Variants in OLFML2B observed in about 807,000 individuals in gnomAD.
OLFML2B encodes olfactomedin like 2B, also known as olfactomedin-like protein 2B.
Under a neutral mutation model 74.9 loss-of-function variants are expected in OLFML2B, and 57 were observed. The ratio of observed to expected loss-of-function variants is 0.76; its 90% confidence interval spans 0.61 to 0.95. The LOEUF is 0.95. Ranked by LOEUF, OLFML2B falls within the 40% of genes least tolerant of loss-of-function variation. The probability of loss-of-function intolerance (pLI) is 0.00; values close to 1 mark genes in which losing one functional copy is unlikely to be tolerated. For synonymous variants in OLFML2B, 388 were observed against 405.8 expected, an observed-to-expected ratio of 0.96 and a Z score of 0.53; for missense variants, 986 against 970.6, an observed-to-expected ratio of 1.02 and a Z score of -0.21.
chr1:162,000,195 C>T lies in OLFML2B; in HGVS notation c.867G>A (p.Pro289=), dbSNP rs768105303. The T allele has an allele frequency of 4.0e-5, 65 of 1,613,568 alleles. No individual in the cohort carries two copies. The South Asian group carries it at 4.8e-4, about 12-fold the overall frequency. The change falls in exon 5 of 8, where the codon CCG becomes CCA. Residue 289 remains proline (P), a synonymous_variant. Transcript: ENST00000294794. ...LQRQVHLRGR[P]ASQPTVIRGI... ...CCCGGATGACAGTGGGCTGGGAGGC[C>T]GGCCGGCCTCTCAGGTGGACCTGCC...
chr1:162,003,527 A>G (rs1228448397), intron 4 of OLFML2B, among the ~76,000 whole-genome samples: 2 of 152,312 alleles, frequency 1.3e-5, no homozygotes, highest in East Asian at 3.9e-4. Flanking sequence ...CACTGGCGAC[A>G]GGCTGCACTG....
Position 161,983,799 on chromosome 1 carries a change from G to A in OLFML2B, c.2129C>T (p.Pro710Leu). Residue 710 changes from proline (P) to leucine (L), a missense_variant, in exon 8 of 8, where the codon CCC becomes CTC. Physicochemically the swap from Pro to Leu is moderately conservative, Grantham distance 98. Transcript: ENST00000294794. ...FDTHTNTQIVPRLLFENEYSY... is the reference protein window; with the variant it reads ...FDTHTNTQIVLRLLFENEYSY... ...ATACTCATTCTCGAACAGCAGCCTG[G>A]GGACGATCTGTGTGTTGGTGTGGGT... 4 of 1,614,110 alleles carry A rather than the reference G, an allele frequency of 2.5e-6. No homozygotes were observed. Among genetic ancestry groups the A allele is most frequent in the Non-Finnish European group, 3.4e-6 (4 of 1,180,026 alleles).
intron 3 of OLFML2B, among the ~76,000 whole-genome samples, chr1:162,011,606 G>C (rs114499440): frequency 0.014 from 2,154 of 152,310 alleles, 47 homozygotes; most frequent in African/African-American, 0.047. Context: ...GGTTCAGGGA[G>C]CCACCAGCTG....
In OLFML2B at chr1:161,997,870, G is replaced by A. The variant is rs763354740; in HGVS notation, c.1429C>T (p.Pro477Ser). 12 of 1,614,126 alleles carry A rather than the reference G, an allele frequency of 7.4e-6. No individual in the cohort carries two copies. In the South Asian group the frequency reaches 1.3e-4, roughly 18 times the overall value. ...TCTTCTTCTTCGGGGCTCAGCGTGG[G>A]GCTGGCAGGGGTTGTTCCCCACCCA... ...PAGWGTTPAS[P>S]TLSPEEEDDI... Residue 477 changes from proline (P) to serine (S), a missense_variant, in exon 6 of 8, where the codon CCC becomes TCC. Transcript: ENST00000294794.
intron 6 of OLFML2B, among the ~76,000 whole-genome samples, chr1:161,988,044 A>C (rs1689638909): frequency 6.6e-6 from 1 of 152,074 alleles, no homozygotes; most frequent in South Asian, 2.1e-4. Flanking sequence ...CTGTATGTTG[A>C]CTCCTCTTCA....
chr1:162,009,105 C>T (rs1690307945), intron 3 of OLFML2B, among the ~76,000 whole-genome samples: 1 of 152,130 alleles, frequency 6.6e-6, no homozygotes. Context: ...GGGATCCTGC[C>T]CTGGTGAAGG....
At chr1:162,003,178 A>C (rs1690126593) in intron 4 of OLFML2B, among the ~76,000 whole-genome samples, 1 of 151,558 alleles carries the variant, frequency 6.6e-6, no homozygotes, top group Non-Finnish European at 1.5e-5. Context: ...CCATCCAAAA[A>C]CTCGCCTGCC....
chr1:162,023,312 G>T lies in OLFML2B; in HGVS notation c.119C>A (p.Ala40Glu). Residue 40 changes from alanine to glutamate, a missense_variant, in exon 1 of 8, where the codon GCG (alanine) becomes GAG (glutamate). Physicochemically the swap from Ala to Glu is moderately radical, Grantham distance 107 (BLOSUM62 -1). Coordinates refer to ENST00000294794, the MANE Select transcript of OLFML2B (RefSeq NM_015441.3). The stretch of plus-strand genomic sequence containing the variant: ...CTCGTTTTGCAGAGTCTCGTCCTCC[G>T]CAGGCGCCACTGTCTGCGCATCTGG... ...EPPDAQTVAP[A>E]EDETLQNEAD... is the part of the protein sequence containing the mutation. The T allele has an allele frequency of 1.2e-6, 2 of 1,604,458 alleles. No individual in the cohort carries two copies. The highest frequency in any genetic ancestry group is 1.7e-6 in the Non-Finnish European group (2 of 1,174,198).
chr1:161,984,273 C>T lies in OLFML2B; in HGVS notation c.1655G>A (p.Arg552His), dbSNP rs767261664. ...CGGGAGCTTGTAGGAATTGCTCCAG[C>T]GACCTGCAGGTGGGGAGAAAACAGG... ...FRNLENFKQG[R>H]WSNSYKLPYS... Residue 552 changes from arginine to histidine, a missense_variant, in exon 8 of 8, where the codon CGC (arginine) becomes CAC (histidine). Arg to His is a conservative substitution (Grantham distance 29, BLOSUM62 0). Coordinates refer to ENST00000294794, the MANE Select transcript of OLFML2B (RefSeq NM_015441.3). The T allele has an allele frequency of 1.1e-5, 17 of 1,517,938 alleles. No individual in the cohort carries two copies. The highest frequency in any genetic ancestry group is 1.4e-5 in the Non-Finnish European group (16 of 1,133,896). The allele number at this position is 1,517,938 out of a possible 1,614,324, so 94.0% of individuals were successfully genotyped here.
At chr1:161,986,919 C>T (rs1689607449) in intron 6 of OLFML2B, among the ~76,000 whole-genome samples, 1 of 152,248 alleles carries the variant, frequency 6.6e-6, no homozygotes. Flanking sequence ...CATGGCCATG[C>T]CACCTCTCTG....
At chr1:161,989,012 C>T (rs748397568) in intron 6 of OLFML2B, among the ~76,000 whole-genome samples, 11 of 152,202 alleles carry the variant, frequency 7.2e-5, no homozygotes, top group Non-Finnish European at 8.8e-5. Flanking sequence ...CATTCCAACT[C>T]AGCACTGAGT....
intron 4 of OLFML2B, among the ~76,000 whole-genome samples, chr1:162,004,171 C>T (rs1690157057): frequency 6.6e-6 from 1 of 152,194 alleles, no homozygotes; most frequent in Non-Finnish European, 1.5e-5. Context: ...CTCCACTGGG[C>T]AGCTGAGCCA....
At chr1:162,017,757 G>A (rs1690585722) in intron 2 of OLFML2B, among the ~76,000 whole-genome samples, 1 of 152,204 alleles carries the variant, frequency 6.6e-6, no homozygotes, top group African/African-American at 2.4e-5. Context: ...CTGAGGTCTA[G>A]ACCTCTTCAC....
rs1393348126 is a variant in OLFML2B at position 162,011,683 on chromosome 1, G to A, written c.547-5210C>T. 2.0e-5 allele frequency among the ~76,000 whole-genome samples: 3 copies of A among 152,314 alleles called. No individual in the cohort carries two copies. The South Asian group carries it at 6.2e-4, about 32-fold the overall frequency. On this transcript the variant is annotated intron_variant, in intron 3 of 7. Coordinates refer to ENST00000294794, the MANE Select transcript of OLFML2B (RefSeq NM_015441.3). ...TGTCCCACATCAGGTGCTGGACCAG[G>A]GCCTGGGAAACAAAGATGACTTGAC... is the stretch of plus-strand genomic sequence containing the variant.
chr1:162,008,918 T>C (rs1191176216), intron 3 of OLFML2B, among the ~76,000 whole-genome samples: 1 of 152,208 alleles, frequency 6.6e-6, no homozygotes, highest in African/African-American at 2.4e-5. Flanking sequence ...TTCAAGCATT[T>C]CTGTAATCCA....
At chr1:161,994,669 C>G (rs1689838136) in intron 6 of OLFML2B, among the ~76,000 whole-genome samples, 1 of 152,238 alleles carries the variant, frequency 6.6e-6, no homozygotes, top group Non-Finnish European at 1.5e-5. Flanking sequence ...GGTACCAATC[C>G]TACCCAAACC....
chr1:162,016,935 T>G (rs920971285), intron 3 of OLFML2B, among the ~76,000 whole-genome samples: 5 of 152,252 alleles, frequency 3.3e-5, no homozygotes, highest in Admixed American at 6.5e-5. Flanking sequence ...TTATTAGTAA[T>G]CATTTTTATG....
chr1:162,018,475 C>T (rs1004099655), intron 2 of OLFML2B, among the ~76,000 whole-genome samples: 1 of 152,226 alleles, frequency 6.6e-6, no homozygotes, highest in African/African-American at 2.4e-5. Flanking sequence ...TGAAAGACAT[C>T]GACAGGTTCT....
rs978977026 is a variant in OLFML2B, at chr1:161,995,292, C to T, written c.1474+2533G>A. Among the ~76,000 whole-genome samples the T allele has an allele frequency of 2.0e-5, 3 of 152,332 alleles. No homozygotes were observed. In the East Asian group the frequency reaches 5.8e-4, roughly 29 times the overall value. The stretch of plus-strand genomic sequence containing the variant: ...TTTGAAGAACACACTACATCTGTGT[C>T]CATGTCTATTTCTTCTGCAGTCGAC... On this transcript the variant is annotated intron_variant, in intron 6 of 7. Coordinates refer to ENST00000294794, the MANE Select transcript of OLFML2B (RefSeq NM_015441.3).
Sources: allele counts gnomAD v4.1 joint callset (sites outside exome capture counted in the v4.1 genomes callset), GRCh38; gene constraint gnomAD v4.1.1; transcripts MANE v1.5; gene names NCBI Gene and HGNC (gene_info 2026-07-23, HGNC 2026-07-21).